The following CDK11A variants were observed in gnomAD, a reference collection of about 807,000 sequenced individuals.
CDK11A encodes the protein cyclin dependent kinase 11A.
In CDK11A, 55 loss-of-function variants were observed where a neutral mutation model predicts 83.6. The observed-to-expected ratio is 0.66, with a 90% CI of 0.53 to 0.82. The LOEUF is 0.82. CDK11A is among the 40% of genes least tolerant of loss of function. The pLI is 0.00. For synonymous variants in CDK11A, 247 were observed against 302.7 expected (o/e 0.82, Z 1.91); for missense variants, 564 against 810.1 (o/e 0.70, Z 3.69).
At chr1:1,704,419 G>T in intron 14 of CDK11A, 75 bp from the exon 15 acceptor site, 2 of 1,575,246 alleles carry the variant, frequency 1.3e-6, no homozygotes, top group Non-Finnish European at 1.7e-6. Context: ...CGCTCGCCTC[G>T]GCAGCAACAG....
intron 4 of CDK11A, among the ~76,000 whole-genome samples, chr1:1,717,143 A>G (rs1644694184): frequency 6.6e-6 from 1 of 151,034 alleles, no homozygotes; most frequent in African/African-American, 2.4e-5. Flanking sequence ...AAGAAGAAAA[A>G]AGAAAAACAA....
chr1:1,713,469 C>T (rs2179383), intron 5 of CDK11A, among the ~76,000 whole-genome samples: 32,720 of 54,998 alleles, frequency 0.59, 12,083 homozygotes, highest in Non-Finnish European at 0.84. Context: ...AAATTACATA[C>T]GTTTAGCATA....
intron 12 of CDK11A, 73 bp downstream of exon 12, chr1:1,705,569 C>G: frequency 2.1e-6 from 1 of 478,840 alleles, no homozygotes; most frequent in East Asian, 3.3e-5. Flanking sequence ...GGCCCAGGTG[C>G]AGTCGCAGCT....
intron 13 of CDK11A, 26 bp downstream of exon 13, chr1:1,704,878 G>T: frequency 3.1e-6 from 5 of 1,606,836 alleles, no homozygotes; most frequent in Non-Finnish European, 4.3e-6. Context: ...TCCACCCGGG[G>T]CCAGGCGTGG....
intron 16 of CDK11A, 41 bp from the exon 17 acceptor site, chr1:1,703,981 C>G (rs748460635): frequency 6.8e-6 from 11 of 1,607,324 alleles, no homozygotes; most frequent in African/African-American, 5.4e-5. Context: ...CCAGTGCCCG[C>G]GAAGCTGTGG....
At chr1:1,722,023 C>A in intron 2 of CDK11A, 1 of 267,414 alleles carries the variant, frequency 3.7e-6, no homozygotes. Context: ...TGTTGGTGAG[C>A]CCCTGTAGTC....
At position 1,703,631 on chromosome 1, in the gene CDK11A, G is replaced by C. The variant is rs1306917565; in HGVS notation, c.1912-7C>G. 6.3e-7 allele frequency: 1 copy of C among 1,593,094 alleles called. No homozygotes were observed. The highest frequency in any genetic ancestry group is 1.4e-5 in the African/African-American group (1 of 71,780). On this transcript the variant is annotated splice_polypyrimidine_tract_variant and splice_region_variant and intron_variant, in intron 17 of 19. Coordinates refer to ENST00000404249, the MANE Select transcript of CDK11A (RefSeq NM_024011.4). ...CACTGGGGGTCCCCAGCTCCTGAAA[G>C]ACAGAGGTGCTTCAACAGCCACACC... is the stretch of plus-strand genomic sequence containing the variant.
intron 3 of CDK11A, among the ~76,000 whole-genome samples, chr1:1,721,336 G>A (rs74045995): frequency 0.072 from 10,817 of 150,316 alleles, 1,501 homozygotes; most frequent in African/African-American, 0.24. Flanking sequence ...AACCTCAATA[G>A]TTAAAACAGC....
At position 1,704,110 on chromosome 1, in the gene CDK11A, G is replaced by T. The variant is rs183405236; in HGVS notation, c.1723C>A (p.Pro575Thr). ...ACGACCGGGGTGTAGGCCTTCAGAG[G>T]GGATCCGTACTCCCGCGCCAGCCCA... ...DFGLAREYGS[P>T]LKAYTPVVVT... The change falls in exon 16 of 20, where the codon CCT becomes ACT. Residue 575 changes from proline (P) to threonine (T), a missense_variant. Around this residue, in one of 5 missense-constraint regions of CDK11A, gnomAD observed 361 missense variants for 402.7 expected, o/e 0.90. Transcript: ENST00000404249. 110 of 1,602,532 alleles carry T rather than the reference G, an allele frequency of 6.9e-5. 1 individual carries two copies. The East Asian group carries it at 2.4e-3, about 35-fold the overall frequency.
At position 1,702,720 on chromosome 1, in the gene CDK11A, AAC is replaced by A. The variant is rs1644132471; in HGVS notation, c.*185_*186del. ...AGATGCCCTGGCAAGTCACGGAGAA[AAC>A]ACAGCTCTTTCCTCCACAACAAGGA... On this transcript the variant is annotated 3_prime_UTR_variant, in exon 20 of 20. Coordinates refer to ENST00000404249, the MANE Select transcript of CDK11A (RefSeq NM_024011.4). The A allele has an allele frequency of 3.4e-5, 21 of 616,988 alleles. 1 individual carries two copies. Among genetic ancestry groups the A allele is most frequent in the South Asian group, 2.7e-4 (14 of 51,470 alleles). The allele number at this position is 616,988 out of a possible 1,614,324, so 38.2% of individuals were successfully genotyped here.
Position 1,703,929 on chromosome 1 carries a change from C to T in CDK11A, c.1806G>A (p.Thr602=), listed in dbSNP as rs374131092. 50 of 1,609,500 alleles carry T rather than the reference C, an allele frequency of 3.1e-5. 3 individuals are homozygous for T. The East Asian group carries it at 3.6e-4, about 11-fold the overall frequency. The stretch of plus-strand genomic sequence containing the variant: ...AGCCCACTGACCACATGTCCACGGC[C>T]GTGGAGTATTCCTAAGACGCCAGGA... The part of the protein sequence containing the change: ...ELLLGAKEYS[T]AVDMWSVGCI... The change falls in exon 17 of 20, where the codon ACG becomes ACA. Residue 602 remains threonine, a synonymous_variant. Transcript: ENST00000404249.
At chr1:1,716,753 T>G (rs1444693998) in intron 4 of CDK11A, among the ~76,000 whole-genome samples, 2 of 134,112 alleles carry the variant, frequency 1.5e-5, no homozygotes, top group African/African-American at 5.8e-5. Flanking sequence ...AGGTGGAGGT[T>G]GCGGTGAGCC....
At chr1:1,718,319 T>C (rs1360773308) in intron 4 of CDK11A, among the ~76,000 whole-genome samples, 3 of 148,756 alleles carry the variant, frequency 2.0e-5, no homozygotes, top group Non-Finnish European at 4.5e-5. Context: ...GTATTCTCTC[T>C]ATAGCCCCTC....
chr1:1,710,940 G>A (rs1427119638), intron 6 of CDK11A, among the ~76,000 whole-genome samples: 2 of 74,584 alleles, frequency 2.7e-5, no homozygotes, highest in African/African-American at 7.7e-5. Flanking sequence ...AAATCACATC[G>A]TCTGAGGAAA....
Position 1,721,877 on chromosome 1 carries a change from G to C in CDK11A, c.112-166C>G. The C allele has an allele frequency of 2.2e-6, 2 of 913,764 alleles. 1 individual carries two copies. The highest frequency in any genetic ancestry group is 3.7e-5 in the South Asian group (2 of 54,298). 56.6% of individuals were successfully genotyped at this position (913,764 alleles called of 1,614,324 possible). A position where few individuals can be genotyped will look rare whatever the true frequency, so the allele number is the denominator to read the frequency against. ...AAATATAAAGAATTTTTGGCCAGGT[G>C]CAGTGGCTCACGCTTGTTAATCCCA... On this transcript the variant is annotated intron_variant, in intron 2 of 19. Coordinates refer to ENST00000404249, the MANE Select transcript of CDK11A (RefSeq NM_024011.4).
chr1:1,703,812 G>A lies in CDK11A; in HGVS notation c.1911+12C>T, dbSNP rs774044942. The A allele has an allele frequency of 1.2e-6, 2 of 1,609,330 alleles. No individual in the cohort carries two copies. The highest frequency in any genetic ancestry group is 2.2e-5 in the South Asian group (2 of 90,728). ...GAAATCCATAGCGCACCTGCGGCAG[G>A]GCCAGACCCACCTTGAACACTTTGT... On this transcript the variant is annotated intron_variant, in intron 17 of 19. Transcript: ENST00000404249.
At chr1:1,719,809 G>A (rs1414796796) in intron 3 of CDK11A, among the ~76,000 whole-genome samples, 1 of 150,542 alleles carries the variant, frequency 6.6e-6, no homozygotes, top group Admixed American at 6.7e-5. Flanking sequence ...TAGAGACGGG[G>A]TTTCACTGTG....
rs763790424 is a variant in CDK11A, at chr1:1,720,626, T to C, written c.227+970A>G. Among the ~76,000 whole-genome samples the C allele has an allele frequency of 2.0e-5, 3 of 150,002 alleles. 1 individual carries two copies. In the South Asian group the frequency reaches 6.4e-4, roughly 32 times the overall value. ...ATTGGTCAGGCTGATCTGAAACTCATGACCTCATGATCCACCCGCCTCAGC... is the reference window on the plus strand; with the variant it reads ...ATTGGTCAGGCTGATCTGAAACTCACGACCTCATGATCCACCCGCCTCAGC... On this transcript the variant is annotated intron_variant, in intron 3 of 19. Coordinates refer to ENST00000404249, the MANE Select transcript of CDK11A (RefSeq NM_024011.4).
In CDK11A at chr1:1,704,382, C is replaced by T. The variant is rs753630152; in HGVS notation, c.1565-38G>A. ...GAGGCTCCCATGTGGACCCGGCCGC[C>T]CCAAGCCCAGGGCACTCAGGGTGGC... On this transcript the variant is annotated intron_variant, in intron 14 of 19. Transcript: ENST00000404249. The T allele has an allele frequency of 4.4e-6, 7 of 1,604,186 alleles. 1 individual carries two copies. In the South Asian group the frequency reaches 4.4e-5, roughly 10 times the overall value.
Sources: gnomAD v4.1 joint callset for allele counts (sites outside exome capture counted in the v4.1 genomes callset) on GRCh38, gnomAD v4.1.1 for gene constraint, gnomAD v4.1.1 regional missense constraint, MANE v1.5 for transcripts, NCBI Gene and HGNC (gene_info 2026-07-23, HGNC 2026-07-21) for gene names.